Variants in KIF13A observed in about 807,000 individuals in gnomAD.
The protein encoded by KIF13A is kinesin-like protein KIF13A.
Under a neutral mutation model 212.2 loss-of-function variants are expected in KIF13A, and 79 were observed. The ratio of observed to expected loss-of-function variants is 0.37; its 90% confidence interval spans 0.31 to 0.45. The LOEUF (loss-of-function observed/expected upper bound fraction) is 0.45, where lower values mean the gene tolerates loss of function less well. KIF13A is among the 20% of genes least tolerant of loss of function. KIF13A has a pLI of 1.00. For synonymous variants in KIF13A, 789 were observed against 808.6 expected, an observed-to-expected ratio of 0.98 and a Z score of 0.41; for missense variants, 1,901 against 2,209.0, an observed-to-expected ratio of 0.86 and a Z score of 2.79.
intron 2 of KIF13A, among the ~76,000 whole-genome samples, chr6:17,935,387 T>C (rs1052977591): frequency 4.6e-5 from 7 of 152,034 alleles, no homozygotes; most frequent in African/African-American, 1.7e-4. Flanking sequence ...GTCCTCACTA[T>C]GGTCCCTACC....
intron 4 of KIF13A, among the ~76,000 whole-genome samples, chr6:17,868,206 A>C (rs568010689): frequency 5.9e-5 from 9 of 152,374 alleles, no homozygotes; most frequent in African/African-American, 1.9e-4. Flanking sequence ...ATATGCCACT[A>C]CCAGACTGCT....
intron 14 of KIF13A, among the ~76,000 whole-genome samples, chr6:17,827,078 A>AT (rs1765027601): frequency 1.4e-5 from 2 of 145,214 alleles, no homozygotes; most frequent in South Asian, 4.7e-4. Context: ...AATTAAAAAA[A>AT]AAATAAATAA....
intron 2 of KIF13A, among the ~76,000 whole-genome samples, chr6:17,903,493 T>C (rs1298917697): frequency 1.3e-5 from 2 of 152,130 alleles, no homozygotes; most frequent in African/African-American, 4.8e-5. Context: ...CAAAAAAAGG[T>C]TGCTATTAAA....
At chr6:17,869,080 A>C (rs1769758304) in intron 4 of KIF13A, among the ~76,000 whole-genome samples, 1 of 151,594 alleles carries the variant, frequency 6.6e-6, no homozygotes. Context: ...TGAATGGCTT[A>C]ACAAATAAGC....
rs76499864 is a variant in KIF13A at position 17,780,066 on chromosome 6, A to T, written c.3847-382T>A. 4.3e-3 allele frequency among the ~76,000 whole-genome samples: 662 copies of T among 152,340 alleles called. 8 individuals are homozygous for T. The highest frequency in any genetic ancestry group is 0.015 in the African/African-American group (608 of 41,582). On this transcript the variant is annotated intron_variant, in intron 31 of 38. Coordinates refer to ENST00000259711, the MANE Select transcript of KIF13A (RefSeq NM_022113.6). ...CAGCCAGTTATTTTGTATTTTACAAATTGTAGAAGCATTACAAGTTACTAT... is the reference window on the plus strand; with the variant it reads ...CAGCCAGTTATTTTGTATTTTACAATTTGTAGAAGCATTACAAGTTACTAT...
chr6:17,809,190 G>A lies in KIF13A; in HGVS notation c.2001-260C>T, dbSNP rs1763225161. 6.6e-6 allele frequency among the ~76,000 whole-genome samples: 1 copy of A among 152,202 alleles called. No homozygotes were observed. The highest frequency in any genetic ancestry group is 1.5e-5 in the Non-Finnish European group (1 of 68,044). On this transcript the variant is annotated intron_variant, in intron 17 of 38. Coordinates refer to ENST00000259711, the MANE Select transcript of KIF13A (RefSeq NM_022113.6). This position sits in a 1 kb window ranked among gnomAD's most constrained non-coding sequence, Gnocchi z 4.7. ...TGTAACACGTGAAAACGATCAGATT[G>A]TGATAGGAGGATGCAAAAAACCAGT... is the stretch of plus-strand genomic sequence containing the variant.
intron 2 of KIF13A, among the ~76,000 whole-genome samples, chr6:17,927,630 A>G (rs1217764075): frequency 1.3e-5 from 2 of 152,224 alleles, no homozygotes; most frequent in African/African-American, 4.8e-5. Flanking sequence ...ATTTGATACC[A>G]CTGAATTGTA....
At chr6:17,784,014 G>C (rs1358926313) in intron 28 of KIF13A, among the ~76,000 whole-genome samples, 1 of 152,294 alleles carries the variant, frequency 6.6e-6, no homozygotes, top group African/African-American at 2.4e-5. Context: ...TAACGGGACA[G>C]GATCAGAGCC....
intron 2 of KIF13A, among the ~76,000 whole-genome samples, chr6:17,959,722 C>G (rs1778652829): frequency 6.6e-6 from 1 of 152,172 alleles, no homozygotes. Context: ...TTTCCTTATT[C>G]AATTAAAAGC....
chr6:17,857,609 C>T (rs182466955), intron 4 of KIF13A, among the ~76,000 whole-genome samples: 74 of 152,264 alleles, frequency 4.9e-4, no homozygotes, highest in African/African-American at 1.5e-3. Context: ...ACAGACCATA[C>T]AATTTGCAAC....
At chr6:17,797,336 G>A (rs114733584) in intron 22 of KIF13A, among the ~76,000 whole-genome samples, 1,785 of 152,066 alleles carry the variant, frequency 0.012, 38 homozygotes, top group African/African-American at 0.04. Context: ...GCCTCAACCC[G>A]TTTCTTATAT....
chr6:17,805,600 T>C lies in KIF13A; in HGVS notation c.2179A>G (p.Ser727Gly). ...CTCCTCACTTGGATAGCTGGTTCACTCACTATTGCACCTCTCTGCATAAGG... is the reference window on the plus strand; with the variant it reads ...CTCCTCACTTGGATAGCTGGTTCACCCACTATTGCACCTCTCTGCATAAGG... Reference protein sequence around the residue: ...SANRKRGAIVSEPAIQVRRKG... With the variant: ...SANRKRGAIVGEPAIQVRRKG... The change falls in exon 19 of 39, where the codon AGT (serine) becomes GGT (glycine). Residue 727 changes from serine to glycine, a missense_variant. Coordinates refer to ENST00000259711, the MANE Select transcript of KIF13A (RefSeq NM_022113.6). 1 of 1,608,298 alleles carries C rather than the reference T, an allele frequency of 6.2e-7. No homozygotes were observed. Among genetic ancestry groups the C allele is most frequent in the South Asian group, 1.1e-5 (1 of 90,654 alleles).
At chr6:17,905,476 ACAT>A (rs1309567045) in intron 2 of KIF13A, among the ~76,000 whole-genome samples, 1 of 152,252 alleles carries the variant, frequency 6.6e-6, no homozygotes, top group Non-Finnish European at 1.5e-5. Context: ...CAGTCAACAA[ACAT>A]TTCACATGCA....
At position 17,926,429 on chromosome 6, in the gene KIF13A, T is replaced by C. The variant is rs6936747; in HGVS notation, c.147-28249A>G. On this transcript the variant is annotated intron_variant, in intron 2 of 38. Transcript: ENST00000259711. The surrounding 1 kb of genome is among the most constrained non-coding windows in gnomAD (Gnocchi z 4.3). ...TGTATTTTTAGTAGAGATGGTGTTTTGCCATGTTGGCCAGGCTGGTCTTGA... is the reference window on the plus strand; with the variant it reads ...TGTATTTTTAGTAGAGATGGTGTTTCGCCATGTTGGCCAGGCTGGTCTTGA... Among the ~76,000 whole-genome samples, 109,689 of 151,940 alleles carry C rather than the reference T, an allele frequency of 0.72. 40,186 individuals are homozygous for C. Among genetic ancestry groups the C allele is most frequent in the South Asian group, 0.84 (4,033 of 4,820 alleles).
chr6:17,822,113 C>T (rs563892470), intron 16 of KIF13A, among the ~76,000 whole-genome samples: 10 of 150,700 alleles, frequency 6.6e-5, no homozygotes, highest in African/African-American at 1.9e-4. Context: ...GATCTCAGCT[C>T]TAACTGCGGC....
chr6:17,861,398 T>C (rs1768768134), intron 4 of KIF13A, among the ~76,000 whole-genome samples: 1 of 125,440 alleles, frequency 8.0e-6, no homozygotes, highest in Non-Finnish European at 1.9e-5. Context: ...CAGCTTTCCA[T>C]TGTATGAATA....
Position 17,808,860 on chromosome 6 carries a change from C to T in KIF13A, c.2071G>A (p.Glu691Lys). Residue 691 changes from glutamate (E) to lysine (K), a missense_variant, in exon 18 of 39, where the codon GAA (glutamate) becomes AAA (lysine). Glu to Lys is a moderately conservative substitution (Grantham distance 56, BLOSUM62 1). This residue lies in a region of KIF13A where 534 missense variants were observed against 536.9 expected (regional missense o/e 0.99). Transcript: ENST00000259711. ...ATTTCCTCAGCCAGGAAGTTTGCTT[C>T]CCTCACCAAGGTATTAGCTTTAACC... ...QLVKANTLVR[E>K]ANFLAEEMSK... 3 of 1,613,728 alleles carry T rather than the reference C, an allele frequency of 1.9e-6. No homozygotes were observed. Among genetic ancestry groups the T allele is most frequent in the Non-Finnish European group, 2.5e-6 (3 of 1,179,792 alleles).
Position 17,825,617 on chromosome 6 carries a change from G to GTTAT in KIF13A, c.1786+147_1786+150dup. On this transcript the variant is annotated intron_variant, in intron 16 of 38. Transcript: ENST00000259711. This position sits in a 1 kb window ranked among gnomAD's most constrained non-coding sequence, Gnocchi z 4.5. Reference sequence around the variant, plus strand: ...CCATCTCCCCCACATCTTGTCATTAGTTATTCACTGATGGCCTTTTAAAGA... The same window carrying GTTAT: ...CCATCTCCCCCACATCTTGTCATTAGTTATTTATTCACTGATGGCCTTTTAAAGA... The GTTAT allele has an allele frequency of 1.5e-6, 1 of 684,356 alleles. No individual in the cohort carries two copies. The highest frequency in any genetic ancestry group is 2.4e-6 in the Non-Finnish European group (1 of 411,706). The allele number at this position is 684,356 out of a possible 1,614,324, so 42.4% of individuals were successfully genotyped here.
At chr6:17,873,335 G>C in intron 4 of KIF13A, 42 bp downstream of exon 4, 1 of 1,359,608 alleles carries the variant, frequency 7.4e-7, no homozygotes, top group Non-Finnish European at 1.0e-6. Context: ...TGGAAGAAGA[G>C]GCCAGAAGCC....
Sources: gnomAD v4.1 joint callset for allele counts (sites outside exome capture counted in the v4.1 genomes callset) on GRCh38, gnomAD v4.1.1 for gene constraint, gnomAD v4.1.1 regional missense constraint, Gnocchi (gnomAD v3.1) non-coding constraint, MANE v1.5 for transcripts, NCBI Gene and HGNC (gene_info 2026-07-23, HGNC 2026-07-21) for gene names.